MAP3K5: variants seen among roughly 807,000 people sequenced by gnomAD.
MAP3K5 encodes ASK-1.
MAP3K5 carries 56 observed loss-of-function variants against 158.7 expected under a neutral mutation model. The ratio of observed to expected loss-of-function variants is 0.35; its 90% confidence interval spans 0.28 to 0.44. The LOEUF (loss-of-function observed/expected upper bound fraction) is 0.44, where lower values mean the gene tolerates loss of function less well. Among genes scored for constraint, MAP3K5 ranks in the 20% least tolerant of loss-of-function variants. The pLI is 1.00. For synonymous variants in MAP3K5, 579 were observed against 601.7 expected (o/e 0.96, Z 0.55); for missense variants, 1,294 against 1,674.8 (o/e 0.77, Z 3.97).
chr6:136,724,363 C>T (rs997741019), intron 1 of MAP3K5, among the ~76,000 whole-genome samples: 1 of 151,782 alleles, frequency 6.6e-6, no homozygotes, highest in African/African-American at 2.4e-5. Context: ...TTTCTCCTAC[C>T]TCAGCCTCCC....
intron 14 of MAP3K5, among the ~76,000 whole-genome samples, chr6:136,625,766 T>A (rs995243525): frequency 1.3e-5 from 2 of 152,114 alleles, no homozygotes; most frequent in African/African-American, 2.4e-5. Flanking sequence ...CCAAAAAATA[T>A]AAACTATGTA....
intron 7 of MAP3K5, among the ~76,000 whole-genome samples, chr6:136,670,380 C>G (rs1207370764): frequency 6.6e-6 from 1 of 151,870 alleles, no homozygotes; most frequent in South Asian, 2.1e-4. Context: ...AGAGGAACTG[C>G]CTGAGGCCAA....
At chr6:136,561,781 A>G (rs1261088673) in intron 27 of MAP3K5, 136 bp from the exon 28 acceptor site, 2 of 572,810 alleles carry the variant, frequency 3.5e-6, no homozygotes, top group East Asian at 5.8e-5. Flanking sequence ...AACAATTGAG[A>G]TTGGCAGTAT....
chr6:136,708,053 A>G (rs1781153007), intron 2 of MAP3K5, among the ~76,000 whole-genome samples: 1 of 152,258 alleles, frequency 6.6e-6, no homozygotes, highest in South Asian at 2.1e-4. Flanking sequence ...AAGGATGTAT[A>G]AGAAACTAAA....
At chr6:136,699,006 C>T (rs761573989) in intron 3 of MAP3K5, among the ~76,000 whole-genome samples, 1 of 152,150 alleles carries the variant, frequency 6.6e-6, no homozygotes, top group African/African-American at 2.4e-5. Context: ...CTTCAGCTTT[C>T]AGGGAACTTA....
chr6:136,668,751 CTATGATTCAGAGATGGT>C (rs1422282659), intron 8 of MAP3K5, among the ~76,000 whole-genome samples: 1 of 152,120 alleles, frequency 6.6e-6, no homozygotes, highest in Non-Finnish European at 1.5e-5. Flanking sequence ...CTGTCGATGG[CTATGATTCAGAGATGGT>C]CTGAGGAGCC....
chr6:136,643,520 T>C (rs1178609054), intron 11 of MAP3K5, among the ~76,000 whole-genome samples: 1 of 152,172 alleles, frequency 6.6e-6, no homozygotes, highest in Non-Finnish European at 1.5e-5. Flanking sequence ...ATAAAATGGG[T>C]GACAAAGCCT....
intron 13 of MAP3K5, among the ~76,000 whole-genome samples, chr6:136,639,244 T>C (rs544726604): frequency 6.6e-6 from 1 of 152,280 alleles, no homozygotes; most frequent in South Asian, 2.1e-4. Context: ...GGTAATCATA[T>C]ACAGTAAGTG....
Position 136,772,354 on chromosome 6 carries a change from C to A in MAP3K5, c.448+19356G>T, listed in dbSNP as rs189735894. Among the ~76,000 whole-genome samples, 19 of 152,222 alleles carry A rather than the reference C, an allele frequency of 1.2e-4. No homozygotes were observed. The East Asian group carries it at 3.7e-3, about 29-fold the overall frequency. ...ACTGTGGTAAGCATGGCACAGAAGA[C>A]CCTGTAGAAGATATCATCAGAAACA... On this transcript the variant is annotated intron_variant, in intron 1 of 29. Coordinates refer to ENST00000359015, the MANE Select transcript of MAP3K5 (RefSeq NM_005923.4).
chr6:136,662,287 C>T (rs1011988591), intron 8 of MAP3K5, among the ~76,000 whole-genome samples: 10 of 152,192 alleles, frequency 6.6e-5, no homozygotes, highest in African/African-American at 9.6e-5. Context: ...GGGACTATCA[C>T]GTGCATTCAT....
At chr6:136,723,342 T>C (rs745844520) in intron 1 of MAP3K5, among the ~76,000 whole-genome samples, 8 of 151,870 alleles carry the variant, frequency 5.3e-5, no homozygotes, top group Non-Finnish European at 1.0e-4. Context: ...TAAAATATAA[T>C]ATACATACTG....
intron 1 of MAP3K5, among the ~76,000 whole-genome samples, chr6:136,742,894 T>C (rs769559212): frequency 6.7e-4 from 102 of 152,174 alleles, no homozygotes; most frequent in Non-Finnish European, 1.3e-3. Context: ...AGTAAGCATA[T>C]GAAAACATGT....
At chr6:136,693,527 G>T (rs1583428609) in intron 7 of MAP3K5, among the ~76,000 whole-genome samples, 2 of 151,156 alleles carry the variant, frequency 1.3e-5, no homozygotes. Flanking sequence ...TTTCATTCAG[G>T]TCTTTTAAAC....
At chr6:136,655,903 A>G (rs192994536) in intron 10 of MAP3K5, among the ~76,000 whole-genome samples, 2 of 152,296 alleles carry the variant, frequency 1.3e-5, no homozygotes, top group East Asian at 1.9e-4. Context: ...TGGGGATGGG[A>G]TAACAATGCA....
At chr6:136,780,875 CCTGA>C (rs66513192) in intron 1 of MAP3K5, among the ~76,000 whole-genome samples, 60 of 152,244 alleles carry the variant, frequency 3.9e-4, no homozygotes, top group South Asian at 8.3e-4. Flanking sequence ...GGTCGTTCCT[CCTGA>C]CTGCTTCCCT....
rs564566127 is a variant in MAP3K5, at chr6:136,700,345, G to A, written c.613-1663C>T. Among the ~76,000 whole-genome samples, 5 of 152,224 alleles carry A rather than the reference G, an allele frequency of 3.3e-5. No homozygotes were observed. In the East Asian group the frequency reaches 7.7e-4, roughly 24 times the overall value. On this transcript the variant is annotated intron_variant, in intron 3 of 29. Coordinates refer to ENST00000359015, the MANE Select transcript of MAP3K5 (RefSeq NM_005923.4). ...GGTGGCGATAGAGAAACAGACACGTGCGTGACTGAAGAAGAAGGAATCAGC... is the reference window on the plus strand; with the variant it reads ...GGTGGCGATAGAGAAACAGACACGTACGTGACTGAAGAAGAAGGAATCAGC...
chr6:136,601,887 G>C lies in MAP3K5; in HGVS notation c.2772C>G (p.Asp924Glu), dbSNP rs1772640040. Residue 924 changes from aspartate (D) to glutamate (E), a missense_variant, in exon 20 of 30, where the codon GAC becomes GAG. Coordinates refer to ENST00000359015, the MANE Select transcript of MAP3K5 (RefSeq NM_005923.4). ...FILKCFEPDP[D>E]KRACANDLLV... is the part of the protein sequence containing the mutation. ...GCAAGTCGTTAGCACAGGCTCTCTT[G>C]TCAGGATCTGGTTCAAAACATTTCA... is the stretch of plus-strand genomic sequence containing the variant. 2 of 1,614,024 alleles carry C rather than the reference G, an allele frequency of 1.2e-6. No individual in the cohort carries two copies. The highest frequency in any genetic ancestry group is 1.3e-5 in the African/African-American group (1 of 74,934).
At chr6:136,735,305 AGAG>A (rs1382817170) in intron 1 of MAP3K5, among the ~76,000 whole-genome samples, 2 of 152,222 alleles carry the variant, frequency 1.3e-5, no homozygotes, top group Non-Finnish European at 2.9e-5. Context: ...ACAGGGGAGA[AGAG>A]GAGATGAAAG....
At chr6:136,713,854 T>C (rs991305737) in intron 2 of MAP3K5, among the ~76,000 whole-genome samples, 4 of 152,152 alleles carry the variant, frequency 2.6e-5, no homozygotes, top group African/African-American at 9.7e-5. Context: ...GGCAGCACTA[T>C]TAAAAAGGGG....
Sources: gnomAD v4.1 joint callset for allele counts (sites outside exome capture counted in the v4.1 genomes callset) on GRCh38, gnomAD v4.1.1 for gene constraint, MANE v1.5 for transcripts, NCBI Gene and HGNC (gene_info 2026-07-23, HGNC 2026-07-21) for gene names.